The following BAZ2B variants were observed in gnomAD, a reference collection of about 807,000 sequenced individuals.
BAZ2B encodes the protein bromodomain adjacent to zinc finger domain protein 2B.
BAZ2B carries 91 observed loss-of-function variants against 246.0 expected under a neutral mutation model. The ratio of observed to expected loss-of-function variants is 0.37; its 90% confidence interval spans 0.31 to 0.44. BAZ2B has a LOEUF of 0.44. Ranked by LOEUF, BAZ2B falls within the 20% of genes least tolerant of loss-of-function variation. The pLI is 1.00. For synonymous variants in BAZ2B, 855 were observed against 860.0 expected (o/e 0.99, Z 0.10); for missense variants, 2,332 against 2,533.7 (o/e 0.92, Z 1.71).
the BAZ2B span, among the ~76,000 whole-genome samples, chr2:159,659,720 A>G: frequency 1.3e-5 from 2 of 152,146 alleles, no homozygotes; most frequent in Admixed American, 1.3e-4. Context: ...ACAGACTCTC[A>G]CTATTCATAC....
At chr2:159,463,178 CT>C in intron 3 of BAZ2B, 1 of 584,782 alleles carries the variant, frequency 1.7e-6, no homozygotes, top group South Asian at 1.6e-5. Flanking sequence ...TTAAATTCTC[CT>C]GCGGGTGCAT....
intron 20 of BAZ2B, among the ~76,000 whole-genome samples, chr2:159,393,961 C>T (rs1178777852): frequency 6.6e-6 from 1 of 152,138 alleles, no homozygotes; most frequent in Non-Finnish European, 1.5e-5. Flanking sequence ...GCCTCTTTCA[C>T]CTGGGCATTC....
chr2:159,534,695 C>G (rs986024569), intron 2 of BAZ2B, among the ~76,000 whole-genome samples: 1 of 151,944 alleles, frequency 6.6e-6, no homozygotes, highest in African/African-American at 2.4e-5. Context: ...TGGCGCCCAC[C>G]TCTCAGGTTC....
At chr2:159,580,366 A>C (rs1686446282) in intron 1 of BAZ2B, among the ~76,000 whole-genome samples, 1 of 152,210 alleles carries the variant, frequency 6.6e-6, no homozygotes, top group Non-Finnish European at 1.5e-5. Context: ...AAGGGATGTG[A>C]AGGACCTCTT....
At chr2:159,374,450 A>C in intron 26 of BAZ2B, among the ~76,000 whole-genome samples, 1 of 152,196 alleles carries the variant, frequency 6.6e-6, no homozygotes, top group East Asian at 1.9e-4. Flanking sequence ...TAAGTTCAAT[A>C]TCACGTTTTA....
At chr2:159,544,868 G>GAAATT (rs1213009162) in intron 2 of BAZ2B, among the ~76,000 whole-genome samples, 1 of 152,188 alleles carries the variant, frequency 6.6e-6, no homozygotes, top group Non-Finnish European at 1.5e-5. Context: ...GAAACAGAGG[G>GAAATT]AAATTAATTT....
intron 1 of BAZ2B, among the ~76,000 whole-genome samples, chr2:159,567,299 T>G (rs575824397): frequency 1.3e-5 from 2 of 152,268 alleles, no homozygotes; most frequent in Admixed American, 1.3e-4. Flanking sequence ...AACCTATAAA[T>G]ACATGGCTTT....
At chr2:159,431,903 T>C (rs560197378) in intron 9 of BAZ2B, among the ~76,000 whole-genome samples, 8 of 152,312 alleles carry the variant, frequency 5.3e-5, no homozygotes, top group African/African-American at 7.2e-5. Context: ...TTTGCCTATA[T>C]TGAAATTCAT....
At chr2:159,401,442 T>C (rs143222079) in intron 16 of BAZ2B, among the ~76,000 whole-genome samples, 24 of 152,300 alleles carry the variant, frequency 1.6e-4, no homozygotes, top group Admixed American at 1.6e-3. Flanking sequence ...CACAATTAAA[T>C]AAAATGCTTT....
intron 1 of BAZ2B, among the ~76,000 whole-genome samples, chr2:159,564,803 CA>C (rs1335288416): frequency 6.6e-6 from 1 of 152,140 alleles, no homozygotes; most frequent in East Asian, 1.9e-4. Flanking sequence ...GATAACATGA[CA>C]AACTGTGACA....
the BAZ2B span, among the ~76,000 whole-genome samples, chr2:159,651,007 C>T: frequency 6.6e-6 from 1 of 152,046 alleles, no homozygotes; most frequent in Non-Finnish European, 1.5e-5. Flanking sequence ...AGATCCTATT[C>T]GTTTATTTTT....
chr2:159,551,371 A>G (rs897847188), intron 2 of BAZ2B, among the ~76,000 whole-genome samples: 7 of 149,664 alleles, frequency 4.7e-5, no homozygotes, highest in Non-Finnish European at 7.4e-5. Flanking sequence ...CAGGAGGCTG[A>G]GGCAGGAGAA....
intron 2 of BAZ2B, among the ~76,000 whole-genome samples, chr2:159,537,283 A>T (rs1039473062): frequency 3.9e-5 from 6 of 152,238 alleles, no homozygotes; most frequent in Admixed American, 1.3e-4. Context: ...ATTATTGTTT[A>T]ATGTGCATAG....
intron 14 of BAZ2B, among the ~76,000 whole-genome samples, chr2:159,411,657 A>C (rs2066864237): frequency 6.6e-6 from 1 of 152,214 alleles, no homozygotes; most frequent in Admixed American, 6.5e-5. Context: ...CTGCAAAGCC[A>C]AACTGTTCTA....
chr2:159,562,597 C>G (rs894469118), intron 1 of BAZ2B, among the ~76,000 whole-genome samples: 4 of 152,218 alleles, frequency 2.6e-5, no homozygotes, highest in African/African-American at 9.6e-5. Context: ...AAAAGTGAAC[C>G]AATCACTTGG....
intron 16 of BAZ2B, among the ~76,000 whole-genome samples, chr2:159,403,206 A>G (rs902706165): frequency 6.6e-6 from 1 of 152,186 alleles, no homozygotes; most frequent in Non-Finnish European, 1.5e-5. Flanking sequence ...TATATAACAG[A>G]GAGTATGAGT....
In BAZ2B at chr2:159,451,343, A is replaced by G. The variant is rs569036666; in HGVS notation, c.334+2270T>C. ...TTAGAAAGTGCATAAAATATAAAAA[A>G]TTATTCCTCATTAAAAACTCCTAGT... is the stretch of plus-strand genomic sequence containing the variant. On this transcript the variant is annotated intron_variant, in intron 4 of 36. Transcript: ENST00000392783. 5.3e-5 allele frequency among the ~76,000 whole-genome samples: 8 copies of G among 152,334 alleles called. No homozygotes were observed. The East Asian group carries it at 1.5e-3, about 29-fold the overall frequency.
intron 35 of BAZ2B, among the ~76,000 whole-genome samples, 158 bp from the exon 36 acceptor site, chr2:159,325,112 ATATTT>A (rs1174527958): frequency 0.4 from 2,235 of 5,612 alleles, 499 homozygotes; most frequent in Non-Finnish European, 0.44. Flanking sequence ...ATATATATAT[ATATTT>A]TATATATATA....
At chr2:159,442,587 ATGT>A (rs1430832073) in intron 6 of BAZ2B, among the ~76,000 whole-genome samples, 1 of 152,202 alleles carries the variant, frequency 6.6e-6, no homozygotes, top group East Asian at 1.9e-4. Flanking sequence ...TACATTCATA[ATGT>A]TGTGCAAACA....
Sources: allele counts gnomAD v4.1 joint callset (sites outside exome capture counted in the v4.1 genomes callset), GRCh38; gene constraint gnomAD v4.1.1; transcripts MANE v1.5; gene names NCBI Gene and HGNC (gene_info 2026-07-23, HGNC 2026-07-21).